The following CLMN variants were observed in gnomAD, a reference collection of about 807,000 sequenced individuals.
CLMN encodes the protein calmin, also known as calmin (calponin-like, transmembrane).
A neutral mutation model predicts 92.7 loss-of-function variants in CLMN; 57 were observed. That is an observed-to-expected ratio of 0.61 (90% CI 0.50 to 0.77). The LOEUF (loss-of-function observed/expected upper bound fraction) is 0.77, where lower values mean the gene tolerates loss of function less well. CLMN is among the 30% of genes least tolerant of loss of function. CLMN has a pLI of 0.00. For synonymous variants in CLMN, 466 were observed against 470.6 expected, an observed-to-expected ratio of 0.99 and a Z score of 0.13; for missense variants, 1,158 against 1,237.5, an observed-to-expected ratio of 0.94 and a Z score of 0.96.
At chr14:95,266,236 T>A (rs1452384217) in intron 1 of CLMN, among the ~76,000 whole-genome samples, 2 of 152,202 alleles carry the variant, frequency 1.3e-5, no homozygotes, top group African/African-American at 4.8e-5. Context: ...ACGAAGGGCA[T>A]CCAAATGGAA....
chr14:95,198,199 G>GCCA (rs1896779141), intron 9 of CLMN, among the ~76,000 whole-genome samples: 1 of 151,450 alleles, frequency 6.6e-6, no homozygotes, highest in Non-Finnish European at 1.5e-5. Flanking sequence ...ACAGGCACCT[G>GCCA]CCACCACGCC....
In CLMN at chr14:95,213,285, A is replaced by C; in HGVS notation, c.542T>G (p.Ile181Arg). 1 of 1,613,838 alleles carries C rather than the reference A, an allele frequency of 6.2e-7. No homozygotes were observed. ...PTPTAERSVAISVKDQRKAIK... is the reference protein window; with the variant it reads ...PTPTAERSVARSVKDQRKAIK... ...AGCCTTCCTCTGGTCTTTCACCGAT[A>C]TTGCCACGCTCCTCTCTGCAGTGGG... Residue 181 changes from isoleucine (I) to arginine (R), a missense_variant, in exon 6 of 13, where the codon ATA becomes AGA. By Grantham distance (97) the Ile-to-Arg change is moderately conservative (BLOSUM62 -3). Coordinates refer to ENST00000298912, the MANE Select transcript of CLMN (RefSeq NM_024734.4).
chr14:95,235,031 A>G (rs1898005723), intron 1 of CLMN, among the ~76,000 whole-genome samples: 1 of 152,242 alleles, frequency 6.6e-6, no homozygotes, highest in Non-Finnish European at 1.5e-5. Flanking sequence ...ATTGTAAAAA[A>G]TTAAAATACA....
intron 1 of CLMN, among the ~76,000 whole-genome samples, chr14:95,295,626 A>G (rs1177763280): frequency 3.9e-5 from 6 of 152,240 alleles, no homozygotes; most frequent in Admixed American, 6.5e-5. Context: ...CACTTAGAGC[A>G]AAAGGGAAAA....
rs1217091132 is a variant in CLMN at position 95,204,052 on chromosome 14, A to T, written c.1297T>A (p.Tyr433Asn). 2 of 1,614,056 alleles carry T rather than the reference A, an allele frequency of 1.2e-6. No individual in the cohort carries two copies. The highest frequency in any genetic ancestry group is 1.7e-5 in the Admixed American group (1 of 60,004). The change falls in exon 9 of 13, where the codon TAC (tyrosine) becomes AAC (asparagine). Residue 433 changes from tyrosine to asparagine, a missense_variant. Coordinates refer to ENST00000298912, the MANE Select transcript of CLMN (RefSeq NM_024734.4). ...KKTVHFEADT[Y>N]KDPFCSKNLS... Reference sequence around the variant, plus strand: ...TTCTTACTGCAGAAAGGATCCTTGTAGGTGTCAGCCTCAAAGTGAACTGTT... The same window carrying T: ...TTCTTACTGCAGAAAGGATCCTTGTTGGTGTCAGCCTCAAAGTGAACTGTT...
At chr14:95,240,754 A>C (rs1408221006) in intron 1 of CLMN, among the ~76,000 whole-genome samples, 1 of 152,214 alleles carries the variant, frequency 6.6e-6, no homozygotes, top group African/African-American at 2.4e-5. Context: ...CAACCACTTC[A>C]ACAGGTGAGT....
chr14:95,306,106 G>A (rs1022601681), intron 1 of CLMN, among the ~76,000 whole-genome samples: 7 of 152,154 alleles, frequency 4.6e-5, no homozygotes, highest in Non-Finnish European at 7.3e-5. Context: ...GGAGAGAAGC[G>A]AGGGGGACCA....
chr14:95,254,224 A>G (rs2140684567), intron 1 of CLMN, among the ~76,000 whole-genome samples: 1 of 152,244 alleles, frequency 6.6e-6, no homozygotes, highest in South Asian at 2.1e-4. Context: ...AGCCCCACCC[A>G]TGACCCAGGA....
Position 95,194,144 on chromosome 14 carries a change from A to G in CLMN, c.2770-225T>C. On this transcript the variant is annotated intron_variant, in intron 11 of 12. Coordinates refer to ENST00000298912, the MANE Select transcript of CLMN (RefSeq NM_024734.4). The surrounding 1 kb of genome is among the most constrained non-coding windows in gnomAD (Gnocchi z 4.0). ...AGTGCGAGAGACCCCACCACCCGGA[A>G]CCCGGATTGGGGTGTGCTGCTCCGG... 7.1e-7 allele frequency: 1 copy of G among 1,412,450 alleles called. No homozygotes were observed. The highest frequency in any genetic ancestry group is 9.2e-7 in the Non-Finnish European group (1 of 1,089,522). The allele number at this position is 1,412,450 out of a possible 1,614,324, so 87.5% of individuals were successfully genotyped here.
rs1009174274 is a variant in CLMN, at chr14:95,196,400, C to T, written c.2708+98G>A. The T allele has an allele frequency of 7.5e-6, 9 of 1,207,966 alleles. No individual in the cohort carries two copies. In the Admixed American group the frequency reaches 1.2e-4, roughly 17 times the overall value. 74.8% of individuals were successfully genotyped at this position (1,207,966 alleles called of 1,614,324 possible). On this transcript the variant is annotated intron_variant, in intron 10 of 12. Coordinates refer to ENST00000298912, the MANE Select transcript of CLMN (RefSeq NM_024734.4). ...AGCTGTATTTCCCTTGCTGTCCAAT[C>T]CCATGCCTGCACCTCCCACCCCATC...
chr14:95,238,641 C>A lies in CLMN; in HGVS notation c.83-8508G>T, dbSNP rs144099089. Among the ~76,000 whole-genome samples, 15 of 152,284 alleles carry A rather than the reference C, an allele frequency of 9.9e-5. No individual in the cohort carries two copies. In the East Asian group the frequency reaches 2.9e-3, roughly 29 times the overall value. ...CCCCCACCCAAATTCTTGGGCTCCT[C>A]CACCACCCCCTGCCACCATGCTGAC... On this transcript the variant is annotated intron_variant, in intron 1 of 12. Coordinates refer to ENST00000298912, the MANE Select transcript of CLMN (RefSeq NM_024734.4).
At chr14:95,226,990 T>G (rs1897731375) in intron 2 of CLMN, among the ~76,000 whole-genome samples, 1 of 152,316 alleles carries the variant, frequency 6.6e-6, no homozygotes, top group Non-Finnish European at 1.5e-5. Flanking sequence ...TCTCTGCTCC[T>G]GGGTACAGGG....
chr14:95,205,079 G>C (rs928110739), intron 8 of CLMN, among the ~76,000 whole-genome samples: 13 of 152,160 alleles, frequency 8.5e-5, no homozygotes, highest in Admixed American at 8.5e-4. Context: ...CCAATGCACC[G>C]ATAGTGTGAA....
chr14:95,239,166 T>G (rs994909387), intron 1 of CLMN, among the ~76,000 whole-genome samples: 1 of 152,210 alleles, frequency 6.6e-6, no homozygotes, highest in Non-Finnish European at 1.5e-5. Flanking sequence ...CAGACTGCCC[T>G]GAAGCGCCCG....
rs575312303 is a variant in CLMN, at chr14:95,215,064, C to G, written c.417+577G>C. Among the ~76,000 whole-genome samples the G allele has an allele frequency of 2.6e-5, 4 of 152,272 alleles. No individual in the cohort carries two copies. In the South Asian group the frequency reaches 8.3e-4, roughly 32 times the overall value. ...GCACGTGTATACCTATGTAACAAAC[C>G]TGCACATTCTGCACATGTGCCCCAG... On this transcript the variant is annotated intron_variant, in intron 5 of 12. Coordinates refer to ENST00000298912, the MANE Select transcript of CLMN (RefSeq NM_024734.4).
intron 5 of CLMN, among the ~76,000 whole-genome samples, chr14:95,214,631 C>T (rs965926934): frequency 2.6e-5 from 4 of 152,184 alleles, no homozygotes; most frequent in African/African-American, 7.2e-5. Flanking sequence ...GGATTATATG[C>T]GTGAGCCACT....
intron 1 of CLMN, among the ~76,000 whole-genome samples, chr14:95,262,868 C>T (rs927105659): frequency 7.2e-5 from 11 of 152,160 alleles, no homozygotes; most frequent in African/African-American, 2.7e-4. Flanking sequence ...GCCCAGCCTC[C>T]CCATTTTCTG....
At chr14:95,286,059 G>A (rs1182055843) in intron 1 of CLMN, among the ~76,000 whole-genome samples, 1 of 152,212 alleles carries the variant, frequency 6.6e-6, no homozygotes, top group East Asian at 1.9e-4. Flanking sequence ...GGCATCAAAT[G>A]TCAGGCTGAA....
chr14:95,236,346 C>A (rs1394343709), intron 1 of CLMN, among the ~76,000 whole-genome samples: 2 of 152,214 alleles, frequency 1.3e-5, no homozygotes, highest in Non-Finnish European at 2.9e-5. Flanking sequence ...CTACTCTGGC[C>A]TCCCAGCTTT....
Sources: gnomAD v4.1 joint callset for allele counts (sites outside exome capture counted in the v4.1 genomes callset) on GRCh38, gnomAD v4.1.1 for gene constraint, Gnocchi (gnomAD v3.1) non-coding constraint, MANE v1.5 for transcripts, NCBI Gene and HGNC (gene_info 2026-07-23, HGNC 2026-07-21) for gene names.